The following TG variants were observed in gnomAD, a reference collection of about 807,000 sequenced individuals.
The protein encoded by TG is thyroglobulin, also known as thyroid hormones.
In TG, 270 loss-of-function variants were observed where a neutral mutation model predicts 324.7. The observed-to-expected ratio is 0.83, with a 90% CI of 0.75 to 0.92. The LOEUF (loss-of-function observed/expected upper bound fraction) is 0.92, where lower values mean the gene tolerates loss of function less well. Ranked by LOEUF, TG falls within the 40% of genes least tolerant of loss-of-function variation. The pLI, the probability that TG is intolerant of heterozygous loss-of-function variation, is 0.00. For missense variants in TG, 3,591 were observed against 3,456.4 expected (o/e 1.04, Z -0.98); for synonymous variants, 1,401 against 1,327.0 (o/e 1.06, Z -1.21).
rs140163215 is a variant in TG at position 132,944,102 on chromosome 8, C to T, written c.5233+2560C>T. ...TGGATAGTTTTTACCCTAAACCAGCCGATCTCAGTGAAGGGCACCTGAGCC... is the reference window on the plus strand; with the variant it reads ...TGGATAGTTTTTACCCTAAACCAGCTGATCTCAGTGAAGGGCACCTGAGCC... On this transcript the variant is annotated intron_variant, in intron 26 of 47. Coordinates refer to ENST00000220616, the MANE Select transcript of TG (RefSeq NM_003235.5). 1.4e-4 allele frequency among the ~76,000 whole-genome samples: 21 copies of T among 152,292 alleles called. No homozygotes were observed. In the South Asian group the frequency reaches 3.3e-3, roughly 24 times the overall value.
At chr8:133,115,028 A>G (rs1445476396) in intron 44 of TG, among the ~76,000 whole-genome samples, 1 of 152,036 alleles carries the variant, frequency 6.6e-6, no homozygotes, top group Non-Finnish European at 1.5e-5. Flanking sequence ...GACCATAAGA[A>G]CTCTCAGATG....
intron 43 of TG, among the ~76,000 whole-genome samples, chr8:133,100,586 G>A (rs1485686686): frequency 6.6e-6 from 1 of 152,170 alleles, no homozygotes; most frequent in East Asian, 1.9e-4. Flanking sequence ...CCTATGAGGT[G>A]GGGATTATTA....
chr8:132,903,246 A>G (rs941569931), intron 16 of TG, among the ~76,000 whole-genome samples: 5 of 152,214 alleles, frequency 3.3e-5, no homozygotes, highest in African/African-American at 1.2e-4. Context: ...GTTGTTTTTA[A>G]GACTGGGGAG....
intron 29 of TG, 124 bp downstream of exon 29, chr8:132,963,198 C>G: frequency 1.1e-6 from 1 of 944,396 alleles, no homozygotes; most frequent in Admixed American, 1.8e-5. Flanking sequence ...CATGGACTCT[C>G]CTTTAATCTT....
At chr8:132,959,254 T>G (rs1241737631) in intron 27 of TG, among the ~76,000 whole-genome samples, 1 of 152,168 alleles carries the variant, frequency 6.6e-6, no homozygotes, top group East Asian at 1.9e-4. Context: ...ACAAACACCT[T>G]TAACATTTTT....
At chr8:132,944,204 C>T (rs896096213) in intron 26 of TG, among the ~76,000 whole-genome samples, 1 of 152,174 alleles carries the variant, frequency 6.6e-6, no homozygotes, top group Non-Finnish European at 1.5e-5. Context: ...TCCTGTTGCT[C>T]TCTTATTATT....
chr8:133,124,507 T>G (rs1273668097), intron 45 of TG, among the ~76,000 whole-genome samples: 1 of 152,212 alleles, frequency 6.6e-6, no homozygotes, highest in Non-Finnish European at 1.5e-5. Flanking sequence ...TAATCCCATA[T>G]CTACCATTTA....
chr8:132,888,771 G>T (rs992142653), intron 10 of TG, among the ~76,000 whole-genome samples: 1 of 152,170 alleles, frequency 6.6e-6, no homozygotes, highest in Non-Finnish European at 1.5e-5. Flanking sequence ...TGGCAAGATT[G>T]ATAGAGTATA....
At chr8:133,098,900 G>A (rs577712007) in intron 43 of TG, among the ~76,000 whole-genome samples, 4 of 152,288 alleles carry the variant, frequency 2.6e-5, no homozygotes, top group East Asian at 1.9e-4. Context: ...GTTCAAGCAC[G>A]GTCCCAGGAG....
At chr8:133,075,634 A>G (rs756681227) in intron 41 of TG, among the ~76,000 whole-genome samples, 6 of 152,206 alleles carry the variant, frequency 3.9e-5, no homozygotes, top group Non-Finnish European at 8.8e-5. Context: ...CATGACGGCT[A>G]TATCTTTCAA....
intron 41 of TG, among the ~76,000 whole-genome samples, chr8:133,057,322 T>A (rs1011229719): frequency 6.6e-6 from 1 of 152,140 alleles, no homozygotes; most frequent in Non-Finnish European, 1.5e-5. Context: ...TATTAAAAAA[T>A]CCTGTACTGC....
chr8:133,059,084 G>A (rs879482027), intron 41 of TG: 1 of 456,290 alleles, frequency 2.2e-6, no homozygotes, highest in Non-Finnish European at 4.4e-6. Context: ...CAGGAACCTG[G>A]CTCAGTCCAC....
At chr8:132,932,306 T>G (rs1239321655) in intron 23 of TG, among the ~76,000 whole-genome samples, 1 of 152,162 alleles carries the variant, frequency 6.6e-6, no homozygotes, top group Non-Finnish European at 1.5e-5. Context: ...AGCTGCAGTT[T>G]GTGAGATGTC....
intron 41 of TG, chr8:133,072,954 A>C (rs1040891000): frequency 6.3e-4 from 96 of 152,346 alleles, no homozygotes; most frequent in African/African-American, 2.1e-3. Context: ...CTGTTTATTA[A>C]TAGCTTTCTG....
chr8:132,990,816 C>T (rs1233811553), intron 35 of TG, among the ~76,000 whole-genome samples: 1 of 152,154 alleles, frequency 6.6e-6, no homozygotes, highest in African/African-American at 2.4e-5. Context: ...TTGTACTCAA[C>T]CCGGATGTAA....
intron 11 of TG, among the ~76,000 whole-genome samples, chr8:132,895,251 G>C (rs1816926630): frequency 6.6e-6 from 1 of 152,210 alleles, no homozygotes; most frequent in African/African-American, 2.4e-5. Context: ...CTAGGCTTGA[G>C]TCACCAAACA....
At chr8:133,108,420 G>A (rs183996631) in intron 43 of TG, among the ~76,000 whole-genome samples, 1 of 152,272 alleles carries the variant, frequency 6.6e-6, no homozygotes, top group African/African-American at 2.4e-5. Flanking sequence ...TCTGAATGGG[G>A]CTCAAGGCTG....
chr8:132,990,053 T>C (rs2130757147), intron 35 of TG, among the ~76,000 whole-genome samples: 1 of 151,928 alleles, frequency 6.6e-6, no homozygotes, highest in Non-Finnish European at 1.5e-5. Context: ...TCAAGAAACG[T>C]CAGCAATAAT....
At chr8:133,108,564 C>T (rs1850017817) in intron 43 of TG, among the ~76,000 whole-genome samples, 1 of 152,204 alleles carries the variant, frequency 6.6e-6, no homozygotes, top group Admixed American at 6.5e-5. Flanking sequence ...AGGAAATAGA[C>T]ATAGAGCGAT....
Sources: allele counts gnomAD v4.1 joint callset (sites outside exome capture counted in the v4.1 genomes callset), GRCh38; gene constraint gnomAD v4.1.1; transcripts MANE v1.5; gene names NCBI Gene and HGNC (gene_info 2026-07-23, HGNC 2026-07-21).